The following FGF23 variants were observed in gnomAD, a reference collection of about 807,000 sequenced individuals.
FGF23 encodes the protein phosphatonin.
Under a neutral mutation model 9.0 loss-of-function variants are expected in FGF23, and 8 were observed. That is an observed-to-expected ratio of 0.89 (90% CI 0.52 to 1.60). FGF23 has a LOEUF of 1.60. Ranked by LOEUF, FGF23 falls within the 40% of genes most tolerant of loss-of-function variation. The pLI is 0.00. For synonymous variants in FGF23, 118 were observed against 146.2 expected (o/e 0.81, Z 1.39); for missense variants, 311 against 344.3 (o/e 0.90, Z 0.77).
At chr12:4,378,473 ACCC>A (rs1316322704) in intron 1 of FGF23, among the ~76,000 whole-genome samples, 3 of 152,030 alleles carry the variant, frequency 2.0e-5, no homozygotes, top group Non-Finnish European at 2.9e-5. Context: ...TCACCACATT[ACCC>A]CTTATATAGG....
chr12:4,376,892 C>T (rs1278847779), intron 1 of FGF23, among the ~76,000 whole-genome samples: 1 of 151,956 alleles, frequency 6.6e-6, no homozygotes, highest in Non-Finnish European at 1.5e-5. Context: ...CACATGACAA[C>T]TCATTGAACA....
chr12:4,373,689 C>T (rs1390789538), intron 1 of FGF23, among the ~76,000 whole-genome samples: 1 of 152,146 alleles, frequency 6.6e-6, no homozygotes, highest in African/African-American at 2.4e-5. Flanking sequence ...GTGGCAAAGG[C>T]ACAATTAGAT....
rs117248733 is a variant in FGF23, at chr12:4,379,336, G to T, written c.211+36C>A. Reference sequence around the variant, plus strand: ...AGCCTCCTGTAGATGGACAACAAGGGTGCTCCCCTTCTTCCCAGCCTGAAG... The same window carrying T: ...AGCCTCCTGTAGATGGACAACAAGGTTGCTCCCCTTCTTCCCAGCCTGAAG... On this transcript the variant is annotated intron_variant, in intron 1 of 2. Transcript: ENST00000237837. 11,108 of 1,578,996 alleles carry T rather than the reference G, an allele frequency of 7.0e-3. 46 individuals carry two copies. The highest frequency in any genetic ancestry group is 0.022 in the Middle Eastern group (131 of 6,032).
At chr12:4,375,402 A>G (rs1462363710) in intron 1 of FGF23, among the ~76,000 whole-genome samples, 1 of 152,214 alleles carries the variant, frequency 6.6e-6, no homozygotes, top group Non-Finnish European at 1.5e-5. Flanking sequence ...CGGAGGGCAC[A>G]CAGACTCTTC....
intron 1 of FGF23, among the ~76,000 whole-genome samples, chr12:4,377,031 A>C (rs1335877793): frequency 6.6e-6 from 1 of 152,164 alleles, no homozygotes; most frequent in African/African-American, 2.4e-5. Context: ...CCTATGTCTA[A>C]GGAAACAAAA....
At position 4,379,688 on chromosome 12, in the gene FGF23, C is replaced by T. The variant is rs1214017736; in HGVS notation, c.-106G>A. 1.1e-6 allele frequency: 1 copy of T among 933,942 alleles called. No homozygotes were observed. Among genetic ancestry groups the T allele is most frequent in the Non-Finnish European group, 1.7e-6 (1 of 598,760 alleles). The allele number at this position is 933,942 out of a possible 1,614,324, so 57.9% of individuals were successfully genotyped here. A position where few individuals can be genotyped will look rare whatever the true frequency, so the allele number is the denominator to read the frequency against. ...CCTTTTCCTTCTCCCTTGCAAGTAGCTGGTGTGAGGATCCTAGACTGGATT... is the reference window on the plus strand; with the variant it reads ...CCTTTTCCTTCTCCCTTGCAAGTAGTTGGTGTGAGGATCCTAGACTGGATT... On this transcript the variant is annotated 5_prime_UTR_variant, in exon 1 of 3. Coordinates refer to ENST00000237837, the MANE Select transcript of FGF23 (RefSeq NM_020638.3).
At position 4,377,672 on chromosome 12, in the gene FGF23, T is replaced by C. The variant is rs543577768; in HGVS notation, c.211+1700A>G. Among the ~76,000 whole-genome samples the C allele has an allele frequency of 1.9e-3, 277 of 148,926 alleles. 1 individual carries two copies. Among genetic ancestry groups the C allele is most frequent in the African/African-American group, 6.5e-3 (265 of 40,832 alleles). On this transcript the variant is annotated intron_variant, in intron 1 of 2. Coordinates refer to ENST00000237837, the MANE Select transcript of FGF23 (RefSeq NM_020638.3). ...GTCTCAATCTCCTGACCTCGTGATCTGCCTGCCTCGGCCTCCCAGAGTGCT... is the reference window on the plus strand; with the variant it reads ...GTCTCAATCTCCTGACCTCGTGATCCGCCTGCCTCGGCCTCCCAGAGTGCT...
chr12:4,368,991 A>G lies in FGF23; in HGVS notation c.*1352T>C, dbSNP rs886049398. On this transcript the variant is annotated 3_prime_UTR_variant, in exon 3 of 3. Transcript: ENST00000237837. Reference sequence around the variant, plus strand: ...TGTTGTTGAATCGACTTTGCTTGTTAATATACTGTCCTTTAGGTGGTCATT... The same window carrying G: ...TGTTGTTGAATCGACTTTGCTTGTTGATATACTGTCCTTTAGGTGGTCATT... 8 of 226,338 alleles carry G rather than the reference A, an allele frequency of 3.5e-5. No homozygotes were observed. The highest frequency in any genetic ancestry group is 6.4e-5 in the East Asian group (1 of 15,724). The allele number at this position is 226,338 out of a possible 1,614,324, so 14.0% of individuals were successfully genotyped here.
At chr12:4,373,732 C>T (rs573078118) in intron 1 of FGF23, among the ~76,000 whole-genome samples, 5 of 152,278 alleles carry the variant, frequency 3.3e-5, no homozygotes, top group South Asian at 4.1e-4. Flanking sequence ...GATAATTCAG[C>T]GAGATTTCTT....
intron 1 of FGF23, among the ~76,000 whole-genome samples, chr12:4,377,653 A>C: frequency 6.7e-6 from 1 of 149,584 alleles, no homozygotes; most frequent in African/African-American, 2.4e-5. Context: ...GATGGTCTCA[A>C]TCTCCTGACC....
At chr12:4,376,198 G>C (rs1027069929) in intron 1 of FGF23, among the ~76,000 whole-genome samples, 3 of 152,184 alleles carry the variant, frequency 2.0e-5, no homozygotes, top group Non-Finnish European at 2.9e-5. Context: ...CACCAGAGGG[G>C]TACCTGGCAG....
At chr12:4,373,202 A>G (rs901275082) in intron 1 of FGF23, among the ~76,000 whole-genome samples, 2 of 152,174 alleles carry the variant, frequency 1.3e-5, no homozygotes, top group Admixed American at 6.5e-5. Context: ...TGTGTACAGA[A>G]TGGTAGTAGA....
rs753097960 is a variant in FGF23 at position 4,370,507 on chromosome 12, G to A, written c.592C>T (p.Arg198Trp). The A allele has an allele frequency of 2.3e-5, 37 of 1,611,266 alleles. No homozygotes were observed. Among genetic ancestry groups the A allele is most frequent in the Non-Finnish European group, 1.4e-5 (17 of 1,178,148 alleles). ...CAGGAGGCCGGGGCCGGGGTCATCC[G>A]GGCCCGGGGCTTCAGCACGTTCAGG... Reference protein sequence around the residue: ...DPLNVLKPRARMTPAPASCSQ... With the variant: ...DPLNVLKPRAWMTPAPASCSQ... Residue 198 changes from arginine to tryptophan, a missense_variant, in exon 3 of 3, where the codon CGG (arginine) becomes TGG (tryptophan). Coordinates refer to ENST00000237837, the MANE Select transcript of FGF23 (RefSeq NM_020638.3).
At position 4,379,403 on chromosome 12, in the gene FGF23, A is replaced by G; in HGVS notation, c.180T>C (p.His60=). Residue 60 remains histidine (H), a synonymous_variant, in exon 1 of 3, where the codon CAT becomes CAC. Coordinates refer to ENST00000237837, the MANE Select transcript of FGF23 (RefSeq NM_020638.3). ...SYHLQIHKNG[H]VDGAPHQTIY... ...TGGTCTGATGGGGTGCGCCATCCAC[A>G]TGGCCATTCTTGTGGATCTGCAGGT... The G allele has an allele frequency of 3.1e-6, 5 of 1,612,988 alleles. No homozygotes were observed. The South Asian group carries it at 3.3e-5, about 11-fold the overall frequency.
intron 1 of FGF23, among the ~76,000 whole-genome samples, chr12:4,375,986 G>A (rs1009608459): frequency 2.6e-5 from 4 of 152,186 alleles, no homozygotes; most frequent in Admixed American, 6.5e-5. Flanking sequence ...AAAGAAAAAC[G>A]TATGAAAAAG....
rs778035302 is a variant in FGF23, at chr12:4,372,550, GTTAA to G, written c.315+40_315+43del. 104 of 1,188,364 alleles carry G rather than the reference GTTAA, an allele frequency of 8.8e-5. 1 individual carries two copies. Among genetic ancestry groups the G allele is most frequent in the South Asian group, 8.1e-4 (67 of 82,606 alleles). 73.6% of individuals were successfully genotyped at this position (1,188,364 alleles called of 1,614,324 possible). On this transcript the variant is annotated intron_variant, in intron 2 of 2. Transcript: ENST00000237837. ...GTCTATGTCGTGTCAAAGAAATTAG[GTTAA>G]TTGTTTGCAAATGGTGACCAACACA...
chr12:4,369,191 A>T lies in FGF23; in HGVS notation c.*1152T>A. On this transcript the variant is annotated 3_prime_UTR_variant, in exon 3 of 3. Coordinates refer to ENST00000237837, the MANE Select transcript of FGF23 (RefSeq NM_020638.3). ...CTGCAGAGCCCTAGAGACCACAGAC[A>T]AGAGCCTGACCATGTGGTTGTCTTT... is the stretch of plus-strand genomic sequence containing the variant. The T allele has an allele frequency of 4.3e-6, 1 of 231,666 alleles. No homozygotes were observed. The highest frequency in any genetic ancestry group is 2.2e-5 in the African/African-American group (1 of 45,364). The allele number at this position is 231,666 out of a possible 1,614,324, so 14.4% of individuals were successfully genotyped here.
At chr12:4,375,321 G>T (rs535703955) in intron 1 of FGF23, among the ~76,000 whole-genome samples, 53 of 152,256 alleles carry the variant, frequency 3.5e-4, no homozygotes, top group African/African-American at 1.1e-3. Context: ...TGGCACACAC[G>T]CTCCTGGTTT....
chr12:4,372,817 T>C (rs1415279019), intron 1 of FGF23, 120 bp from the exon 2 acceptor site: 5 of 748,260 alleles, frequency 6.7e-6, no homozygotes, highest in Non-Finnish European at 1.2e-5. Flanking sequence ...GGTGATAACT[T>C]CAGCACTCTT....
Sources: gnomAD v4.1 joint callset for allele counts (sites outside exome capture counted in the v4.1 genomes callset) on GRCh38, gnomAD v4.1.1 for gene constraint, MANE v1.5 for transcripts, NCBI Gene and HGNC (gene_info 2026-07-23, HGNC 2026-07-21) for gene names.